The following GRIK4 variants were observed in gnomAD, a reference collection of about 807,000 sequenced individuals.
GRIK4 encodes the protein glutamate receptor ionotropic, kainate 4.
In GRIK4, 40 loss-of-function variants were observed where a neutral mutation model predicts 104.9. That is an observed-to-expected ratio of 0.38 (90% CI 0.30 to 0.50). GRIK4 has a LOEUF of 0.50. Ranked by LOEUF, GRIK4 falls within the 20% of genes least tolerant of loss-of-function variation. GRIK4 has a pLI of 0.93. For synonymous variants in GRIK4, 485 were observed against 524.9 expected, an observed-to-expected ratio of 0.92 and a Z score of 1.04; for missense variants, 1,047 against 1,308.1, an observed-to-expected ratio of 0.80 and a Z score of 3.08.
intron 2 of GRIK4, among the ~76,000 whole-genome samples, chr11:120,655,518 G>A (rs149419374): frequency 9.1e-4 from 138 of 152,314 alleles, no homozygotes; most frequent in Middle Eastern, 3.4e-3. Flanking sequence ...GCAGGAGTGT[G>A]TCATTATCAA....
intron 1 of GRIK4, among the ~76,000 whole-genome samples, chr11:120,536,368 G>T (rs1458842185): frequency 6.6e-6 from 1 of 152,146 alleles, no homozygotes; most frequent in Non-Finnish European, 1.5e-5. Flanking sequence ...TAGCTGGGGG[G>T]TGTCTTAATT....
intron 1 of GRIK4, among the ~76,000 whole-genome samples, chr11:120,639,766 C>A (rs1297569627): frequency 6.6e-6 from 1 of 152,236 alleles, no homozygotes; most frequent in Non-Finnish European, 1.5e-5. Flanking sequence ...AGACTCCAGA[C>A]CTAAACCCTC....
At chr11:120,958,931 G>T (rs1944227249) in intron 16 of GRIK4, among the ~76,000 whole-genome samples, 3 of 152,192 alleles carry the variant, frequency 2.0e-5, no homozygotes, top group Admixed American at 2.0e-4. Context: ...TAGGGCAGAA[G>T]AGCTGAGGCA....
At chr11:120,936,079 T>C (rs79060906) in intron 13 of GRIK4, 8 of 181,530 alleles carry the variant, frequency 4.4e-5, no homozygotes, top group African/African-American at 1.8e-4. Context: ...CCTCCTCCTC[T>C]TCATCTTCCT....
At chr11:120,668,311 A>G (rs7947520) in intron 3 of GRIK4, among the ~76,000 whole-genome samples, 88,252 of 150,106 alleles carry the variant, frequency 0.59, 26,992 homozygotes, top group African/African-American at 0.76. Context: ...AGAAAAGAAA[A>G]GAAGAAAGGA....
At chr11:120,815,111 ACC>A (rs1242526311) in intron 4 of GRIK4, among the ~76,000 whole-genome samples, 1 of 152,058 alleles carries the variant, frequency 6.6e-6, no homozygotes. Flanking sequence ...CAATTTATAC[ACC>A]CTGTTGGCTA....
At chr11:120,821,080 C>T (rs1953114694) in intron 6 of GRIK4, among the ~76,000 whole-genome samples, 1 of 152,194 alleles carries the variant, frequency 6.6e-6, no homozygotes, top group South Asian at 2.1e-4. Context: ...ACTTAAGCAC[C>T]AGGGCCCAAA....
chr11:120,739,281 A>G (rs189022796), intron 3 of GRIK4, among the ~76,000 whole-genome samples: 1 of 152,312 alleles, frequency 6.6e-6, no homozygotes, highest in East Asian at 1.9e-4. Flanking sequence ...ATGGGTTCCT[A>G]TGCTTAAAAT....
chr11:120,930,064 CTG>C, intron 13 of GRIK4, among the ~76,000 whole-genome samples: 1 of 152,152 alleles, frequency 6.6e-6, no homozygotes, highest in Non-Finnish European at 1.5e-5. Flanking sequence ...TAGGGACTGA[CTG>C]TGTGCCCTCT....
chr11:120,917,477 A>G (rs999996343), intron 13 of GRIK4, among the ~76,000 whole-genome samples: 1 of 152,068 alleles, frequency 6.6e-6, no homozygotes, highest in African/African-American at 2.4e-5. Context: ...ACAGGCATGT[A>G]AGATAATAAA....
intron 1 of GRIK4, among the ~76,000 whole-genome samples, chr11:120,589,678 A>G (rs1178994973): frequency 1.3e-5 from 2 of 152,128 alleles, no homozygotes; most frequent in Admixed American, 1.3e-4. Flanking sequence ...AGCAAAGCGT[A>G]ACCCTCCCCG....
At chr11:120,805,302 C>T (rs1348917668) in intron 4 of GRIK4, among the ~76,000 whole-genome samples, 1 of 152,178 alleles carries the variant, frequency 6.6e-6, no homozygotes, top group Non-Finnish European at 1.5e-5. Context: ...GCCAGCCCTT[C>T]TCTTCTCGGT....
At chr11:120,882,119 A>C (rs1954983838) in intron 11 of GRIK4, among the ~76,000 whole-genome samples, 1 of 152,086 alleles carries the variant, frequency 6.6e-6, no homozygotes, top group Admixed American at 6.5e-5. Context: ...CTCCATGGAG[A>C]GGTACCCCCG....
chr11:120,665,566 T>C (rs961057243), intron 3 of GRIK4, among the ~76,000 whole-genome samples: 5 of 152,148 alleles, frequency 3.3e-5, no homozygotes, highest in African/African-American at 1.2e-4. Context: ...GCTTAGTAAA[T>C]GTTTGCTAAA....
intron 1 of GRIK4, among the ~76,000 whole-genome samples, chr11:120,590,498 A>G (rs1279507468): frequency 1.3e-5 from 2 of 152,232 alleles, no homozygotes; most frequent in Non-Finnish European, 2.9e-5. Flanking sequence ...ATCCAGGTGC[A>G]CCCGGCTGCT....
intron 3 of GRIK4, among the ~76,000 whole-genome samples, chr11:120,709,376 A>G (rs1323058402): frequency 6.6e-6 from 1 of 152,048 alleles, no homozygotes; most frequent in East Asian, 1.9e-4. Context: ...GATAAATAAG[A>G]CATGGTACCT....
At chr11:120,872,229 G>A (rs1401325155) in intron 9 of GRIK4, 1 of 307,996 alleles carries the variant, frequency 3.2e-6, no homozygotes, top group Non-Finnish European at 6.4e-6. Flanking sequence ...AGAAATTGTT[G>A]CTCACTTGGA....
chr11:120,521,816 A>G (rs1167683421), intron 1 of GRIK4, among the ~76,000 whole-genome samples: 1 of 152,226 alleles, frequency 6.6e-6, no homozygotes, highest in Non-Finnish European at 1.5e-5. Flanking sequence ...AGATCATTGC[A>G]TTTGACGTCC....
intron 6 of GRIK4, among the ~76,000 whole-genome samples, chr11:120,820,640 G>A (rs1311554831): frequency 6.6e-6 from 1 of 152,206 alleles, no homozygotes; most frequent in Non-Finnish European, 1.5e-5. Context: ...GGAACCCAGT[G>A]CCTGAGCCCC....
Sources: allele counts gnomAD v4.1 joint callset (sites outside exome capture counted in the v4.1 genomes callset), GRCh38; gene constraint gnomAD v4.1.1; transcripts MANE v1.5; gene names NCBI Gene and HGNC (gene_info 2026-07-23, HGNC 2026-07-21).